The following PPM1L variants were observed in gnomAD, a reference collection of about 807,000 sequenced individuals.
The protein encoded by PPM1L is protein phosphatase, Mg2+/Mn2+ dependent 1L, also known as protein phosphatase 1L.
Under a neutral mutation model 31.4 loss-of-function variants are expected in PPM1L, and 13 were observed. That is an observed-to-expected ratio of 0.41 (90% CI 0.27 to 0.66). PPM1L has a LOEUF of 0.66. Ranked by LOEUF, PPM1L falls within the 30% of genes least tolerant of loss-of-function variation. The pLI is 0.29. For synonymous variants in PPM1L, 184 were observed against 175.4 expected (o/e 1.05, Z -0.39); for missense variants, 326 against 453.7 (o/e 0.72, Z 2.56).
chr3:160,894,741 G>A (rs1713276629), intron 1 of PPM1L, among the ~76,000 whole-genome samples: 2 of 152,004 alleles, frequency 1.3e-5, no homozygotes, highest in Admixed American at 6.6e-5. Flanking sequence ...TGCTTGTTTT[G>A]CCCATTTTGG....
intron 1 of PPM1L, among the ~76,000 whole-genome samples, chr3:160,878,061 C>T (rs1199246950): frequency 2.6e-5 from 4 of 152,148 alleles, no homozygotes; most frequent in East Asian, 1.9e-4. Flanking sequence ...GAAACCTTAT[C>T]GAGGACTTCC....
chr3:160,810,143 C>A lies in PPM1L; in HGVS notation c.399+53436C>A, dbSNP rs1053519382. Among the ~76,000 whole-genome samples the A allele has an allele frequency of 2.0e-4, 31 of 152,020 alleles. 1 individual carries two copies. The highest frequency in any genetic ancestry group is 1.9e-3 in the Admixed American group (29 of 15,262). ...TCATATACAGGAAAGCATTTCCTTG[C>A]TTGACTGCACCTCTATAATTGGCTT... On this transcript the variant is annotated intron_variant, in intron 1 of 3. Coordinates refer to ENST00000498165, the MANE Select transcript of PPM1L (RefSeq NM_139245.4).
At chr3:160,763,547 A>C (rs1180316367) in intron 1 of PPM1L, among the ~76,000 whole-genome samples, 3 of 152,230 alleles carry the variant, frequency 2.0e-5, no homozygotes, top group African/African-American at 7.2e-5. Flanking sequence ...CTGTTGAGCC[A>C]TGGCCTGGGG....
At chr3:160,783,885 A>G (rs1000600630) in intron 1 of PPM1L, among the ~76,000 whole-genome samples, 1 of 152,222 alleles carries the variant, frequency 6.6e-6, no homozygotes, top group Non-Finnish European at 1.5e-5. Context: ...CTGAAGAAAT[A>G]TCTGATAGTT....
chr3:160,949,181 G>A (rs971832822), intron 1 of PPM1L, among the ~76,000 whole-genome samples: 1 of 152,180 alleles, frequency 6.6e-6, no homozygotes, highest in East Asian at 1.9e-4. Context: ...AGAAAAAACC[G>A]AAGCCCTGTC....
At chr3:160,777,147 A>C (rs1449773984) in intron 1 of PPM1L, among the ~76,000 whole-genome samples, 1 of 151,752 alleles carries the variant, frequency 6.6e-6, no homozygotes, top group African/African-American at 2.4e-5. Flanking sequence ...ACAGAGTGAG[A>C]CCTCATCTCT....
At chr3:160,899,193 TCTAA>T (rs1249770556) in intron 1 of PPM1L, among the ~76,000 whole-genome samples, 2 of 152,062 alleles carry the variant, frequency 1.3e-5, no homozygotes, top group South Asian at 2.1e-4. Context: ...GGGCTAAAAT[TCTAA>T]CTGAGATCTA....
chr3:161,052,509 G>A (rs915781684), intron 2 of PPM1L, among the ~76,000 whole-genome samples: 1 of 152,208 alleles, frequency 6.6e-6, no homozygotes, highest in African/African-American at 2.4e-5. Flanking sequence ...AATTTCCACA[G>A]TCTCCTTGAA....
intron 1 of PPM1L, among the ~76,000 whole-genome samples, chr3:160,861,077 A>G (rs1280138696): frequency 1.3e-5 from 2 of 152,190 alleles, no homozygotes; most frequent in African/African-American, 4.8e-5. Context: ...TTTTCATATA[A>G]GAGGTTGAAA....
At chr3:161,032,319 C>T (rs1718594816) in intron 2 of PPM1L, among the ~76,000 whole-genome samples, 1 of 152,170 alleles carries the variant, frequency 6.6e-6, no homozygotes. Context: ...TGTGAATACT[C>T]AAAGTGTACG....
chr3:160,983,132 T>C (rs1375922841), intron 2 of PPM1L, among the ~76,000 whole-genome samples: 1 of 152,180 alleles, frequency 6.6e-6, no homozygotes, highest in African/African-American at 2.4e-5. Context: ...CCCCTGTAAA[T>C]AGAGATAAAC....
intron 1 of PPM1L, among the ~76,000 whole-genome samples, chr3:160,876,671 AG>A (rs1258855476): frequency 6.6e-6 from 1 of 152,206 alleles, no homozygotes; most frequent in Non-Finnish European, 1.5e-5. Context: ...CTGGAAACTC[AG>A]CACTCCCATA....
intron 1 of PPM1L, among the ~76,000 whole-genome samples, chr3:160,807,596 A>T (rs1712642064): frequency 6.6e-6 from 1 of 152,250 alleles, no homozygotes; most frequent in East Asian, 1.9e-4. Context: ...TGATGTGGAT[A>T]ACGCACCTGG....
intron 1 of PPM1L, among the ~76,000 whole-genome samples, chr3:160,803,946 C>T (rs1712515506): frequency 6.6e-6 from 1 of 152,214 alleles, no homozygotes; most frequent in South Asian, 2.1e-4. Context: ...GAGACGGAGT[C>T]TCGCTCTGTC....
intron 1 of PPM1L, among the ~76,000 whole-genome samples, chr3:160,899,610 GTAAC>G (rs1713469881): frequency 6.6e-6 from 1 of 152,090 alleles, no homozygotes; most frequent in Non-Finnish European, 1.5e-5. Flanking sequence ...CAAGTAATTA[GTAAC>G]TTTAGTTTTA....
At chr3:161,012,453 A>T (rs9858525) in intron 2 of PPM1L, among the ~76,000 whole-genome samples, 1 of 151,630 alleles carries the variant, frequency 6.6e-6, no homozygotes, top group Non-Finnish European at 1.5e-5. Flanking sequence ...CATCAATGTT[A>T]ATCAAGGATA....
In PPM1L at chr3:160,946,015, C is replaced by G. The variant is rs1488860294; in HGVS notation, c.400-15721C>G. 2.0e-5 allele frequency among the ~76,000 whole-genome samples: 3 copies of G among 152,080 alleles called. 1 individual carries two copies. Among genetic ancestry groups the G allele is most frequent in the African/African-American group, 7.2e-5 (3 of 41,408 alleles). On this transcript the variant is annotated intron_variant, in intron 1 of 3. Coordinates refer to ENST00000498165, the MANE Select transcript of PPM1L (RefSeq NM_139245.4). ...TTCAACAATAGGTTATTAGTAGTTA[C>G]ATTTTGGGGGAATCAAAAGTTATTT...
intron 1 of PPM1L, among the ~76,000 whole-genome samples, chr3:160,772,122 G>A (rs1715273842): frequency 6.6e-6 from 1 of 152,160 alleles, no homozygotes; most frequent in African/African-American, 2.4e-5. Context: ...GGGGACCTGA[G>A]TGTCTGCTGC....
At chr3:161,047,320 A>T (rs6798117) in intron 2 of PPM1L, among the ~76,000 whole-genome samples, 97,627 of 151,954 alleles carry the variant, frequency 0.64, 33,990 homozygotes, top group East Asian at 0.97. Flanking sequence ...AAATCATGAG[A>T]GAACTCCCAT....
Sources: gnomAD v4.1 joint callset for allele counts (sites outside exome capture counted in the v4.1 genomes callset) on GRCh38, gnomAD v4.1.1 for gene constraint, MANE v1.5 for transcripts, NCBI Gene and HGNC (gene_info 2026-07-23, HGNC 2026-07-21) for gene names.